UNC13C: variants seen among roughly 807,000 people sequenced by gnomAD.
UNC13C encodes the protein protein unc-13 homolog C.
In UNC13C, 174 loss-of-function variants were observed where a neutral mutation model predicts 245.4. That is an observed-to-expected ratio of 0.71 (90% confidence interval 0.63 to 0.80). The LOEUF (loss-of-function observed/expected upper bound fraction) is 0.80, where lower values mean the gene tolerates loss of function less well. Ranked by LOEUF, UNC13C falls within the 30% of genes least tolerant of loss-of-function variation. The probability of loss-of-function intolerance (pLI) is 0.00; values close to 1 mark genes in which losing one functional copy is unlikely to be tolerated. For missense variants in UNC13C, 2,829 were observed against 2,602.9 expected, an observed-to-expected ratio of 1.09 and a Z score of -1.89; for synonymous variants, 992 against 895.1, an observed-to-expected ratio of 1.11 and a Z score of -1.93.
chr15:54,337,072 T>G (rs1469063958), intron 16 of UNC13C, among the ~76,000 whole-genome samples: 2 of 152,144 alleles, frequency 1.3e-5, no homozygotes, highest in Non-Finnish European at 2.9e-5. Context: ...TAATCAGACT[T>G]TTACTCTCTC....
At chr15:54,409,269 A>ATATTG (rs1411483193) in intron 18 of UNC13C, among the ~76,000 whole-genome samples, 1 of 29,918 alleles carries the variant, frequency 3.3e-5, no homozygotes, top group Admixed American at 3.6e-4. Context: ...CATGTTAATA[A>ATATTG]TATGTTCCTT....
the UNC13C span, among the ~76,000 whole-genome samples, chr15:53,861,823 C>T: frequency 9.2e-5 from 14 of 152,078 alleles, no homozygotes; most frequent in African/African-American, 3.1e-4. Context: ...GGGAGAAATG[C>T]AACTGCCTAC....
intron 2 of UNC13C, among the ~76,000 whole-genome samples, chr15:54,073,676 T>A (rs924610873): frequency 1.3e-5 from 2 of 152,234 alleles, no homozygotes; most frequent in African/African-American, 4.8e-5. Flanking sequence ...TGCATAAATG[T>A]CTTCTTTTGA....
the UNC13C span, among the ~76,000 whole-genome samples, chr15:53,853,935 TC>T: frequency 6.6e-6 from 1 of 152,166 alleles, no homozygotes; most frequent in African/African-American, 2.4e-5. Flanking sequence ...GTTCTCCCAT[TC>T]TGTAAATTGT....
At chr15:54,245,876 C>T (rs1461543683) in intron 7 of UNC13C, among the ~76,000 whole-genome samples, 1 of 151,872 alleles carries the variant, frequency 6.6e-6, no homozygotes, top group Non-Finnish European at 1.5e-5. Context: ...TACATAATAT[C>T]ACAAGGAGGA....
intron 1 of UNC13C, among the ~76,000 whole-genome samples, chr15:53,998,158 T>C (rs1163944631): frequency 1.3e-5 from 2 of 152,128 alleles, no homozygotes; most frequent in Middle Eastern, 3.2e-3. Context: ...TCCATTTCCA[T>C]ATACATTTTA....
At chr15:54,221,837 T>G (rs12900853) in intron 4 of UNC13C, among the ~76,000 whole-genome samples, 19,573 of 152,088 alleles carry the variant, frequency 0.13, 1,443 homozygotes, top group Non-Finnish European at 0.16. Context: ...TCTGTGAATA[T>G]TAGCTAAATA....
At chr15:54,113,029 A>G (rs2029926848) in intron 2 of UNC13C, among the ~76,000 whole-genome samples, 1 of 152,216 alleles carries the variant, frequency 6.6e-6, no homozygotes, top group Admixed American at 6.5e-5. Context: ...TTAAATGGAT[A>G]TGCAGATGTA....
In UNC13C at chr15:54,073,495, T is replaced by C. The variant is rs111598358; in HGVS notation, c.2983+57609T>C. ...ATGGTTAAACTAATTTACACTCCCATCAACAGTGTAAAAGTGTTACCATTT... is the reference window on the plus strand; with the variant it reads ...ATGGTTAAACTAATTTACACTCCCACCAACAGTGTAAAAGTGTTACCATTT... On this transcript the variant is annotated intron_variant, in intron 2 of 32. Transcript: ENST00000260323. Among the ~76,000 whole-genome samples the C allele has an allele frequency of 8.3e-3, 1,265 of 152,246 alleles. 29 individuals carry two copies. Among genetic ancestry groups the C allele is most frequent in the African/African-American group, 0.029 (1,197 of 41,546 alleles).
intron 4 of UNC13C, among the ~76,000 whole-genome samples, chr15:54,193,790 A>G (rs1181577479): frequency 6.6e-6 from 1 of 152,212 alleles, no homozygotes; most frequent in Non-Finnish European, 1.5e-5. Context: ...TGTTACCTGC[A>G]TAGCACTGAT....
At chr15:54,586,072 T>C (rs898196362) in intron 30 of UNC13C, among the ~76,000 whole-genome samples, 8 of 152,222 alleles carry the variant, frequency 5.3e-5, no homozygotes, top group African/African-American at 1.7e-4. Flanking sequence ...CTTGATAATT[T>C]TCAAAGTGAT....
chr15:54,320,442 C>A (rs1332459274), intron 13 of UNC13C, among the ~76,000 whole-genome samples: 1 of 151,848 alleles, frequency 6.6e-6, no homozygotes, highest in Non-Finnish European at 1.5e-5. Flanking sequence ...TTACATTTAG[C>A]AATCAACATC....
intron 8 of UNC13C, among the ~76,000 whole-genome samples, chr15:54,260,961 T>C (rs1045668084): frequency 6.6e-6 from 1 of 152,080 alleles, no homozygotes; most frequent in Non-Finnish European, 1.5e-5. Flanking sequence ...TGAGTTCTAG[T>C]TAATTGTCCC....
chr15:54,075,616 A>T (rs577629268), intron 2 of UNC13C, among the ~76,000 whole-genome samples: 2 of 151,246 alleles, frequency 1.3e-5, no homozygotes, highest in Admixed American at 6.6e-5. Flanking sequence ...GCAGCAACTG[A>T]ATACTTTGTC....
chr15:54,152,610 G>C (rs911298587), intron 4 of UNC13C, among the ~76,000 whole-genome samples: 5 of 152,166 alleles, frequency 3.3e-5, no homozygotes, highest in Non-Finnish European at 7.3e-5. Flanking sequence ...TATGAAGGCA[G>C]TGTTTGAGTC....
chr15:54,242,718 T>TAC lies in UNC13C; in HGVS notation c.3228+5032_3228+5033dup, dbSNP rs776116643. ...AATGGTTCTTATTAACTATTGCATA[T>TAC]ACACAAAGTAATATTTACAACATAA... On this transcript the variant is annotated intron_variant, in intron 7 of 32. Coordinates refer to ENST00000260323, the MANE Select transcript of UNC13C (RefSeq NM_001080534.3). 5.9e-4 allele frequency among the ~76,000 whole-genome samples: 90 copies of TAC among 152,350 alleles called. 1 individual carries two copies. Among genetic ancestry groups the TAC allele is most frequent in the South Asian group, 3.5e-3 (17 of 4,830 alleles).
At chr15:54,121,290 G>A (rs761774915) in intron 2 of UNC13C, among the ~76,000 whole-genome samples, 5 of 152,140 alleles carry the variant, frequency 3.3e-5, no homozygotes, top group Non-Finnish European at 5.9e-5. Flanking sequence ...ACCTTCATCA[G>A]CAAAAAGATT....
chr15:53,962,994 GTAGCTT>G, the UNC13C span, among the ~76,000 whole-genome samples: 1 of 152,198 alleles, frequency 6.6e-6, no homozygotes, highest in East Asian at 1.9e-4. Context: ...GAATATTTAT[GTAGCTT>G]TCTCGACTGC....
At chr15:53,914,721 C>A in the UNC13C span, 11 of 152,164 alleles carry the variant, frequency 7.2e-5, no homozygotes, top group Non-Finnish European at 1.5e-5. Flanking sequence ...TGCCTACGGC[C>A]CCCCGAGTGT....
Sources: gnomAD v4.1 joint callset for allele counts (sites outside exome capture counted in the v4.1 genomes callset) on GRCh38, gnomAD v4.1.1 for gene constraint, MANE v1.5 for transcripts, NCBI Gene and HGNC (gene_info 2026-07-23, HGNC 2026-07-21) for gene names.